Variants in CCT8 observed in about 807,000 individuals in gnomAD.
CCT8 encodes the protein T-complex protein 1 subunit theta.
CCT8 carries 10 observed loss-of-function variants against 65.7 expected under a neutral mutation model. That is an observed-to-expected ratio of 0.15 (90% CI 0.09 to 0.26). CCT8 has a LOEUF of 0.26. Among genes scored for constraint, CCT8 ranks in the 10% least tolerant of loss-of-function variants. The pLI, the probability that CCT8 is intolerant of heterozygous loss-of-function variation, is 1.00. For missense variants in CCT8, 568 were observed against 669.1 expected (o/e 0.85, Z 1.67); for synonymous variants, 199 against 221.8 (o/e 0.90, Z 0.92).
chr21:29,060,837 A>G (rs1457131017), intron 13 of CCT8, among the ~76,000 whole-genome samples, 177 bp from the exon 14 acceptor site: 1 of 152,200 alleles, frequency 6.6e-6, no homozygotes, highest in African/African-American at 2.4e-5. Context: ...CAAGGATGCC[A>G]AAATCTGTGG....
chr21:29,072,254 T>A, intron 1 of CCT8: 1 of 313,510 alleles, frequency 3.2e-6, no homozygotes, highest in Middle Eastern at 8.8e-4. Context: ...TCTTTCATCA[T>A]TATTTGGAAT....
At chr21:29,068,645 A>G (rs964905866) in intron 3 of CCT8, among the ~76,000 whole-genome samples, 3 of 152,022 alleles carry the variant, frequency 2.0e-5, no homozygotes, top group African/African-American at 7.2e-5. Context: ...CTGTATTTTT[A>G]GTAGAGATGG....
chr21:29,067,078 C>T lies in CCT8; in HGVS notation c.382-7G>A, dbSNP rs767190165. On this transcript the variant is annotated splice_region_variant and splice_polypyrimidine_tract_variant and intron_variant, in intron 4 of 14. Coordinates refer to ENST00000286788, the MANE Select transcript of CCT8 (RefSeq NM_006585.4). ...TTTCATAACCTTCTATGACCTAAAA[C>T]ATAAACAACATTTCCTATTCTGACA... The T allele has an allele frequency of 3.1e-6, 5 of 1,590,788 alleles. No homozygotes were observed. The Admixed American group carries it at 7.1e-5, about 23-fold the overall frequency.
intron 14 of CCT8, among the ~76,000 whole-genome samples, chr21:29,057,777 TATATG>T (rs1281868108): frequency 6.9e-6 from 1 of 144,470 alleles, no homozygotes; most frequent in Non-Finnish European, 1.5e-5. Flanking sequence ...ATATATGATA[TATATG>T]AGATATGTAT....
chr21:29,064,409 T>TAAAAAAAAAAAAAAAAAAA (rs34760776), intron 7 of CCT8, among the ~76,000 whole-genome samples: 27 of 26,720 alleles, frequency 1.0e-3, no homozygotes, highest in African/African-American at 1.5e-3. Context: ...AGCAAGACTC[T>TAAAAAAAAAAAAAAAAAAA]AAAAAAAAAA....
At chr21:29,073,263 C>A in intron 1 of CCT8, 1 of 1,328,460 alleles carries the variant, frequency 7.5e-7, no homozygotes, top group Non-Finnish European at 9.7e-7. Flanking sequence ...AACGCACGCG[C>A]GGCTTCACAT....
In CCT8 at chr21:29,061,491, T is replaced by C; in HGVS notation, c.1284+5A>G. 1 of 1,613,922 alleles carries C rather than the reference T, an allele frequency of 6.2e-7. No individual in the cohort carries two copies. Among genetic ancestry groups the C allele is most frequent in the Non-Finnish European group, 8.5e-7 (1 of 1,179,810 alleles). On this transcript the variant is annotated splice_donor_5th_base_variant and intron_variant, in intron 12 of 14. Transcript: ENST00000286788. ...GAAAGTCAATTTATACAGAAAAAGCTGTACCTCTCCATATGATGTGATCTG... is the reference window on the plus strand; with the variant it reads ...GAAAGTCAATTTATACAGAAAAAGCCGTACCTCTCCATATGATGTGATCTG...
intron 14 of CCT8, among the ~76,000 whole-genome samples, chr21:29,058,828 G>C (rs1213043586): frequency 6.6e-6 from 1 of 152,028 alleles, no homozygotes; most frequent in African/African-American, 2.4e-5. Flanking sequence ...TCCTGACCTC[G>C]TGATCCTCCT....
intron 3 of CCT8, among the ~76,000 whole-genome samples, chr21:29,068,501 C>T (rs1169390062): frequency 1.3e-5 from 2 of 151,858 alleles, no homozygotes; most frequent in African/African-American, 4.8e-5. Context: ...GCTCTGTCGC[C>T]CAGGCTGGAG....
intron 1 of CCT8, 75 bp from the exon 2 acceptor site, chr21:29,070,412 C>CT (rs2085668642): frequency 1.2e-6 from 1 of 833,222 alleles, no homozygotes; most frequent in African/African-American, 1.7e-5. Flanking sequence ...TACAAGATAT[C>CT]TTTGCTTATA....
intron 13 of CCT8, 95 bp from the exon 14 acceptor site, chr21:29,060,755 T>C (rs1250993474): frequency 1.4e-5 from 19 of 1,336,684 alleles, no homozygotes; most frequent in South Asian, 1.3e-4. Context: ...TAAATAGTAC[T>C]GGAAAGTAAC....
At chr21:29,068,091 C>T (rs1181999730) in intron 3 of CCT8, among the ~76,000 whole-genome samples, 1 of 152,194 alleles carries the variant, frequency 6.6e-6, no homozygotes, top group Non-Finnish European at 1.5e-5. Flanking sequence ...TTGGTCATGA[C>T]TCTCAATATC....
In CCT8 at chr21:29,061,866, T is replaced by A. The variant is rs117180893; in HGVS notation, c.1212+262A>T. 6.3e-4 allele frequency among the ~76,000 whole-genome samples: 96 copies of A among 152,314 alleles called. 1 individual carries two copies. The East Asian group carries it at 0.018, about 28-fold the overall frequency. On this transcript the variant is annotated intron_variant, in intron 11 of 14. Transcript: ENST00000286788. Reference sequence around the variant, plus strand: ...AACTGCTTTAGCAACTAACAGTACATTACAATGGAAAACAACGATAAACAA... The same window carrying A: ...AACTGCTTTAGCAACTAACAGTACAATACAATGGAAAACAACGATAAACAA...
intron 2 of CCT8, 30 bp from the exon 3 acceptor site, chr21:29,069,532 G>T: frequency 7.4e-7 from 1 of 1,351,362 alleles, no homozygotes; most frequent in Non-Finnish European, 1.0e-6. Context: ...AAAAGAAAAA[G>T]AAAGCCATTA....
intron 6 of CCT8, 120 bp from the exon 7 acceptor site, chr21:29,065,225 T>TG: frequency 9.8e-7 from 1 of 1,020,908 alleles, no homozygotes; most frequent in Non-Finnish European, 1.5e-6. Context: ...ACCAAGGCAG[T>TG]GACTCCTGGG....
Position 29,060,579 on chromosome 21 carries a change from C to CT in CCT8, c.1530_1531insA (p.Ala511SerfsTer3). ...AGTACAGTGACTGCAGCATTAGTAGCGAGTTTGATAGCCCAATATTTTCCC... is the reference window on the plus strand; with the variant it reads ...AGTACAGTGACTGCAGCATTAGTAGCTGAGTTTGATAGCCCAATATTTTCCC... On this transcript the variant is annotated frameshift_variant, in exon 14 of 15. Transcript: ENST00000286788. LOFTEE classifies it high-confidence loss of function. The CT allele has an allele frequency of 6.2e-7, 1 of 1,613,838 alleles. No individual in the cohort carries two copies. The highest frequency in any genetic ancestry group is 1.1e-5 in the South Asian group (1 of 91,072).
At position 29,060,631 on chromosome 21, in the gene CCT8, C is replaced by T. The variant is rs774732072; in HGVS notation, c.1479G>A (p.Leu493=). The part of the protein sequence containing the change: ...EAEVPAVKDM[L]EAGILDTYLG... ...GGTAAGTATCTAGAATACCAGCTTC[C>T]AGCATGTCCTTTACAGCAGGGACTT... Residue 493 remains leucine, a synonymous_variant, in exon 14 of 15, where the codon CTG becomes CTA. Coordinates refer to ENST00000286788, the MANE Select transcript of CCT8 (RefSeq NM_006585.4). The T allele has an allele frequency of 1.7e-5, 27 of 1,613,730 alleles. No homozygotes were observed. Among genetic ancestry groups the T allele is most frequent in the Non-Finnish European group, 2.3e-5 (27 of 1,179,720 alleles).
At position 29,062,495 on chromosome 21, in the gene CCT8, T is replaced by C; in HGVS notation, c.1003A>G (p.Arg335Gly). Residue 335 changes from arginine (R) to glycine (G), a missense_variant, in exon 9 of 15, where the codon AGA becomes GGA. Transcript: ENST00000286788. ...GTGTTTTCCAAAATACATACCAATC[T>C]AGGAAGAGCTGTAGCACCAACAGTT... is the stretch of plus-strand genomic sequence containing the variant. Reference protein sequence around the residue: ...CKTVGATALPRLTPPVLEEMG... With the variant: ...CKTVGATALPGLTPPVLEEMG... 6.2e-7 allele frequency: 1 copy of C among 1,613,826 alleles called. No homozygotes were observed. The highest frequency in any genetic ancestry group is 8.5e-7 in the Non-Finnish European group (1 of 1,179,760).
At chr21:29,071,149 A>T (rs2085675375) in intron 1 of CCT8, among the ~76,000 whole-genome samples, 1 of 152,222 alleles carries the variant, frequency 6.6e-6, no homozygotes. Context: ...CTAGCTACAT[A>T]CATGGGGCTA....
Sources: allele counts gnomAD v4.1 joint callset (sites outside exome capture counted in the v4.1 genomes callset), GRCh38; gene constraint gnomAD v4.1.1; transcripts MANE v1.5; gene names NCBI Gene and HGNC (gene_info 2026-07-23, HGNC 2026-07-21).